The following SV2C variants were observed in gnomAD, a reference collection of about 807,000 sequenced individuals.
The protein encoded by SV2C is synaptic vesicle glycoprotein 2C, also known as solute carrier family 22 member B3.
In SV2C, 49 loss-of-function variants were observed where a neutral mutation model predicts 79.7. The observed-to-expected ratio is 0.61, with a 90% CI of 0.49 to 0.78. The LOEUF (loss-of-function observed/expected upper bound fraction) is 0.78. Ranked by LOEUF, SV2C falls within the 30% of genes least tolerant of loss-of-function variation. The pLI is 0.00. For missense variants in SV2C, 833 were observed against 912.9 expected, an observed-to-expected ratio of 0.91 and a Z score of 1.13; for synonymous variants, 334 against 333.2, an observed-to-expected ratio of 1.00 and a Z score of -0.03.
At chr5:76,304,120 C>T (rs759162611) in intron 12 of SV2C, among the ~76,000 whole-genome samples, 40 of 152,198 alleles carry the variant, frequency 2.6e-4, no homozygotes, top group Non-Finnish European at 4.0e-4. Context: ...CACACCAGCA[C>T]GATAACACAA....
At chr5:75,908,867 G>C in the SV2C span, among the ~76,000 whole-genome samples, 3 of 152,122 alleles carry the variant, frequency 2.0e-5, no homozygotes, top group African/African-American at 7.2e-5. Context: ...CAGCATAATC[G>C]TGTATAATAA....
At chr5:75,962,787 A>T in the SV2C span, among the ~76,000 whole-genome samples, 2 of 152,162 alleles carry the variant, frequency 1.3e-5, no homozygotes, top group Admixed American at 1.3e-4. Context: ...ACTTAAAGCC[A>T]AGGCTTAGTG....
the SV2C span, among the ~76,000 whole-genome samples, chr5:76,042,037 G>T: frequency 6.6e-6 from 1 of 152,140 alleles, no homozygotes; most frequent in African/African-American, 2.4e-5. Context: ...CATCCCACCT[G>T]TGTAGCCTGC....
the SV2C span, among the ~76,000 whole-genome samples, chr5:75,979,618 T>C: frequency 2.3e-4 from 35 of 151,808 alleles, no homozygotes; most frequent in Admixed American, 6.6e-5. Flanking sequence ...AACCTGATCC[T>C]GAATGACTTT....
chr5:76,014,272 GAAA>G, the SV2C span, among the ~76,000 whole-genome samples: 2 of 89,408 alleles, frequency 2.2e-5, no homozygotes, highest in Admixed American at 1.4e-4. Context: ...AAGAAGGAAA[GAAA>G]GAAAGAAAGA....
At chr5:76,309,243 G>A (rs1053037475) in intron 12 of SV2C, among the ~76,000 whole-genome samples, 3 of 152,050 alleles carry the variant, frequency 2.0e-5, no homozygotes, top group African/African-American at 7.2e-5. Context: ...GATCATTCTT[G>A]GCCTTTAGAG....
the SV2C span, among the ~76,000 whole-genome samples, chr5:75,895,544 A>C: frequency 6.6e-6 from 1 of 152,156 alleles, no homozygotes; most frequent in South Asian, 2.1e-4. Context: ...CTCAGTGCCC[A>C]AAATAATTCA....
chr5:76,257,247 TG>T (rs1168895266), intron 4 of SV2C, among the ~76,000 whole-genome samples: 1 of 127,886 alleles, frequency 7.8e-6, no homozygotes, highest in Non-Finnish European at 1.6e-5. Context: ...TAGCTCGTGG[TG>T]GGGGGCTGTA....
chr5:76,236,564 A>AAT (rs1561277473), intron 4 of SV2C, among the ~76,000 whole-genome samples: 1 of 122,572 alleles, frequency 8.2e-6, no homozygotes, highest in Non-Finnish European at 1.5e-5. Flanking sequence ...CCTGTATCAA[A>AAT]AAAATAAAAT....
chr5:76,248,968 C>T (rs1476853378), intron 4 of SV2C, among the ~76,000 whole-genome samples: 1 of 152,100 alleles, frequency 6.6e-6, no homozygotes, highest in Non-Finnish European at 1.5e-5. Context: ...GCCAGAAGTT[C>T]CTGTGTTGAG....
At chr5:75,921,705 A>G in the SV2C span, 47 of 506,578 alleles carry the variant, frequency 9.3e-5, 1 homozygote, top group Non-Finnish European at 2.6e-5. Context: ...CCCAGCAAAG[A>G]ACAGAGGGTA....
the SV2C span, among the ~76,000 whole-genome samples, chr5:75,879,110 G>A: frequency 1.3e-5 from 2 of 152,146 alleles, no homozygotes; most frequent in Non-Finnish European, 2.9e-5. Flanking sequence ...CATGAGGGAT[G>A]AATGATTCAA....
the SV2C span, among the ~76,000 whole-genome samples, chr5:76,012,948 T>G: frequency 6.6e-6 from 1 of 152,186 alleles, no homozygotes; most frequent in African/African-American, 2.4e-5. Flanking sequence ...GCCTCTGTTC[T>G]GTTCTTTTGG....
chr5:75,981,784 A>G, the SV2C span, among the ~76,000 whole-genome samples: 7 of 152,124 alleles, frequency 4.6e-5, no homozygotes, highest in African/African-American at 1.4e-4. Flanking sequence ...AACCTAGGCA[A>G]TACTATTCAG....
At chr5:75,859,966 A>T in the SV2C span, among the ~76,000 whole-genome samples, 1 of 152,144 alleles carries the variant, frequency 6.6e-6, no homozygotes, top group East Asian at 1.9e-4. Flanking sequence ...GGTGGAGCCG[A>T]AGAGCTCTGG....
At chr5:75,898,950 CTTCT>C in the SV2C span, among the ~76,000 whole-genome samples, 2,511 of 152,092 alleles carry the variant, frequency 0.017, 35 homozygotes, top group African/African-American at 0.043. Flanking sequence ...CTTTTTGATT[CTTCT>C]TTCTTTTTTT....
At chr5:75,917,010 C>T in the SV2C span, among the ~76,000 whole-genome samples, 286 of 152,332 alleles carry the variant, frequency 1.9e-3, 2 homozygotes, top group African/African-American at 6.3e-3. Context: ...AAATGCTCCC[C>T]AGAGAACTGA....
chr5:76,050,446 C>T, the SV2C span, among the ~76,000 whole-genome samples: 1 of 152,146 alleles, frequency 6.6e-6, no homozygotes, highest in African/African-American at 2.4e-5. Flanking sequence ...AGATCCTGAA[C>T]TAGATAAAAT....
the SV2C span, among the ~76,000 whole-genome samples, chr5:75,918,358 C>T: frequency 6.6e-6 from 1 of 152,174 alleles, no homozygotes; most frequent in East Asian, 1.9e-4. Flanking sequence ...TTTTCCTATA[C>T]ATTATGTAAT....
Sources: allele counts gnomAD v4.1 joint callset (sites outside exome capture counted in the v4.1 genomes callset), GRCh38; gene constraint gnomAD v4.1.1; transcripts MANE v1.5; gene names NCBI Gene and HGNC (gene_info 2026-07-23, HGNC 2026-07-21).